Variants in CEMIP observed in about 807,000 individuals in gnomAD.
CEMIP encodes cell migration-inducing and hyaluronan-binding protein.
A neutral mutation model predicts 156.9 loss-of-function variants in CEMIP; 105 were observed. The ratio of observed to expected loss-of-function variants is 0.67; its 90% CI spans 0.57 to 0.79. The LOEUF (loss-of-function observed/expected upper bound fraction) is 0.79. CEMIP is among the 30% of genes least tolerant of loss of function. The probability of loss-of-function intolerance (pLI) is 0.00; values close to 1 mark genes in which losing one functional copy is unlikely to be tolerated. For missense variants in CEMIP, 1,457 were observed against 1,769.4 expected (o/e 0.82, Z 3.17); for synonymous variants, 676 against 668.4 (o/e 1.01, Z -0.17).
chr15:80,839,482 T>A (rs1357823507), intron 1 of CEMIP, among the ~76,000 whole-genome samples: 1 of 152,134 alleles, frequency 6.6e-6, no homozygotes, highest in Non-Finnish European at 1.5e-5. Context: ...AACCGGGCCC[T>A]GCAGGAGGGC....
chr15:80,842,720 G>A (rs1450645854), intron 1 of CEMIP, among the ~76,000 whole-genome samples: 2 of 152,062 alleles, frequency 1.3e-5, no homozygotes, highest in East Asian at 1.9e-4. Context: ...CAACAAGAGC[G>A]AGACTCCATC....
At chr15:80,814,450 C>A (rs969870887) in intron 1 of CEMIP, among the ~76,000 whole-genome samples, 4 of 152,216 alleles carry the variant, frequency 2.6e-5, no homozygotes, top group Admixed American at 2.0e-4. Flanking sequence ...TAGGGCAGCA[C>A]ATTGGTCATT....
chr15:80,880,934 G>A lies in CEMIP; in HGVS notation c.415G>A (p.Gly139Ser), dbSNP rs1173997081. ...AGGTATTCAGCCGGATCCTTACTAT[G>A]GTCTGAAGTACATTGGGGTTGGTAA... ...DEGIQPDPYY[G>S]LKYIGVGKGG... Residue 139 changes from glycine (G) to serine (S), a missense_variant, in exon 6 of 30, where the codon GGT (glycine) becomes AGT (serine). By Grantham distance (56) the Gly-to-Ser change is moderately conservative (BLOSUM62 0). This residue lies in a region of CEMIP where 309 missense variants were observed against 340.8 expected (regional missense o/e 0.91). Coordinates refer to ENST00000394685, the MANE Select transcript of CEMIP (RefSeq NM_001293298.2). 1.9e-6 allele frequency: 3 copies of A among 1,614,128 alleles called. No individual in the cohort carries two copies. Among genetic ancestry groups the A allele is most frequent in the Non-Finnish European group, 2.5e-6 (3 of 1,180,016 alleles).
intron 1 of CEMIP, among the ~76,000 whole-genome samples, chr15:80,854,182 A>G (rs938580296): frequency 4.6e-5 from 7 of 152,238 alleles, no homozygotes; most frequent in African/African-American, 1.4e-4. Context: ...GAGAAAATCA[A>G]GGAATAACTT....
intron 1 of CEMIP, among the ~76,000 whole-genome samples, chr15:80,831,839 T>G (rs1897163886): frequency 6.6e-6 from 1 of 152,206 alleles, no homozygotes; most frequent in Non-Finnish European, 1.5e-5. Context: ...GTGCAGCTGC[T>G]GGCCACTGGG....
chr15:80,926,263 G>A (rs1274023089), intron 19 of CEMIP, among the ~76,000 whole-genome samples: 1 of 152,196 alleles, frequency 6.6e-6, no homozygotes, highest in African/African-American at 2.4e-5. Context: ...TGGACTCCAA[G>A]ACCCAAATGA....
chr15:80,883,974 C>A (rs1272764752), intron 6 of CEMIP, among the ~76,000 whole-genome samples: 1 of 152,188 alleles, frequency 6.6e-6, no homozygotes, highest in African/African-American at 2.4e-5. Flanking sequence ...AAGTCAAAAC[C>A]CTTCTTCTTG....
intron 1 of CEMIP, among the ~76,000 whole-genome samples, chr15:80,788,702 C>T (rs1360326221): frequency 2.0e-5 from 3 of 151,918 alleles, no homozygotes; most frequent in African/African-American, 7.3e-5. Flanking sequence ...TTTTCAGAGG[C>T]GTTTAATCCA....
In CEMIP at chr15:80,900,585, GGTGTGTGTGTGTGTGTGTGTGTGT is replaced by G. The variant is rs57724852; in HGVS notation, c.1411+4566_1411+4589del. ...CAGCACCAGAAAAGCCCCAGGTAGG[GGTGTGTGTGTGTGTGTGTGTGTGT>G]GTGTGTGTGTGTGTGTGTGTGTGTG... On this transcript the variant is annotated intron_variant, in intron 12 of 29. Coordinates refer to ENST00000394685, the MANE Select transcript of CEMIP (RefSeq NM_001293298.2). Among the ~76,000 whole-genome samples the G allele has an allele frequency of 2.5e-3, 188 of 74,978 alleles. 1 individual carries two copies. The highest frequency in any genetic ancestry group is 9.4e-3 in the Admixed American group (59 of 6,276). 49.2% of individuals were successfully genotyped at this position (74,978 alleles called of 152,430 possible). A position where few individuals can be genotyped will look rare whatever the true frequency, so the allele number is the denominator to read the frequency against.
In CEMIP at chr15:80,895,037, A is replaced by G; in HGVS notation, c.1134A>G (p.Lys378=). ...GVNLSTEVVY[K]KGQDYRFACY... is the part of the protein sequence containing the mutation. The stretch of plus-strand genomic sequence containing the variant: ...ACCTCAGCACCGAGGTTGTCTACAA[A>G]AAAGGCCAGGATTATAGGTTTGCTT... The change falls in exon 11 of 30, where the codon AAA becomes AAG. Residue 378 remains lysine (K), a synonymous_variant. Transcript: ENST00000394685. 3 of 1,614,218 alleles carry G rather than the reference A, an allele frequency of 1.9e-6. No individual in the cohort carries two copies. Among genetic ancestry groups the G allele is most frequent in the Non-Finnish European group, 2.5e-6 (3 of 1,180,032 alleles).
intron 1 of CEMIP, among the ~76,000 whole-genome samples, chr15:80,847,032 C>T (rs1897578444): frequency 6.6e-6 from 1 of 152,142 alleles, no homozygotes; most frequent in South Asian, 2.1e-4. Flanking sequence ...TCTTATGTAG[C>T]TTTTGATTAT....
chr15:80,839,861 C>T (rs906429), intron 1 of CEMIP, among the ~76,000 whole-genome samples: 36,677 of 152,200 alleles, frequency 0.24, 5,088 homozygotes, highest in Non-Finnish European at 0.32. Flanking sequence ...GCTAGACACG[C>T]CACACACATT....
rs1237433044 is a variant in CEMIP at position 80,900,582 on chromosome 15, A to AG, written c.1411+4526dup. Among the ~76,000 whole-genome samples, 147 of 49,848 alleles carry AG rather than the reference A, an allele frequency of 2.9e-3. 1 individual carries two copies. The highest frequency in any genetic ancestry group is 0.011 in the African/African-American group (133 of 12,632). 32.7% of individuals were successfully genotyped at this position (49,848 alleles called of 152,430 possible). On this transcript the variant is annotated intron_variant, in intron 12 of 29. Transcript: ENST00000394685. ...GAACAGCACCAGAAAAGCCCCAGGT[A>AG]GGGGTGTGTGTGTGTGTGTGTGTGT...
chr15:80,783,714 A>C (rs1343807853), intron 1 of CEMIP, among the ~76,000 whole-genome samples: 1 of 152,136 alleles, frequency 6.6e-6, no homozygotes, highest in Non-Finnish European at 1.5e-5. Flanking sequence ...TGCTTTAGCT[A>C]CTTTCTTCAG....
chr15:80,914,973 G>C (rs1355652053), intron 14 of CEMIP, among the ~76,000 whole-genome samples: 2 of 152,126 alleles, frequency 1.3e-5, no homozygotes, highest in African/African-American at 4.8e-5. Context: ...ATCATAGGGA[G>C]TCAAAGCTGT....
chr15:80,896,258 C>T, intron 12 of CEMIP, 198 bp downstream of exon 12: 1 of 703,494 alleles, frequency 1.4e-6, no homozygotes, highest in Non-Finnish European at 2.6e-6. Context: ...ATCAGCTTCT[C>T]TAGACTGAGC....
chr15:80,838,904 C>T (rs142754822), intron 1 of CEMIP, among the ~76,000 whole-genome samples: 1 of 152,296 alleles, frequency 6.6e-6, no homozygotes, highest in Non-Finnish European at 1.5e-5. Flanking sequence ...ATCTGTGCTC[C>T]CCGGCTTCTG....
At chr15:80,838,684 T>C (rs973724755) in intron 1 of CEMIP, among the ~76,000 whole-genome samples, 2 of 152,190 alleles carry the variant, frequency 1.3e-5, no homozygotes, top group African/African-American at 4.8e-5. Context: ...TCCCAAGACC[T>C]ATCCCAATGC....
intron 1 of CEMIP, among the ~76,000 whole-genome samples, chr15:80,791,239 G>A (rs1896073985): frequency 6.6e-6 from 1 of 152,190 alleles, no homozygotes; most frequent in Non-Finnish European, 1.5e-5. Flanking sequence ...CCTGAGTGAA[G>A]TGTGTGATCA....
Sources: gnomAD v4.1 joint callset for allele counts (sites outside exome capture counted in the v4.1 genomes callset) on GRCh38, gnomAD v4.1.1 for gene constraint, gnomAD v4.1.1 regional missense constraint, MANE v1.5 for transcripts, NCBI Gene and HGNC (gene_info 2026-07-23, HGNC 2026-07-21) for gene names.